SLC2A10: variants seen among roughly 807,000 people sequenced by gnomAD.
The protein encoded by SLC2A10 is solute carrier family 2 member 10, also known as solute carrier family 2, facilitated glucose transporter member 10.
In SLC2A10, 25 loss-of-function variants were observed where a neutral mutation model predicts 32.1. That is an observed-to-expected ratio of 0.78 (90% CI 0.57 to 1.09). The LOEUF (loss-of-function observed/expected upper bound fraction) is 1.09, where lower values mean the gene tolerates loss of function less well. SLC2A10 is among the 50% of genes least tolerant of loss of function. The probability of loss-of-function intolerance (pLI) is 0.00; values close to 1 mark genes in which losing one functional copy is unlikely to be tolerated. For synonymous variants in SLC2A10, 332 were observed against 309.6 expected (o/e 1.07, Z -0.76); for missense variants, 673 against 686.5 (o/e 0.98, Z 0.22).
intron 1 of SLC2A10, among the ~76,000 whole-genome samples, chr20:46,718,964 T>C (rs1195327023): frequency 6.6e-6 from 1 of 152,096 alleles, no homozygotes; most frequent in Non-Finnish European, 1.5e-5. Context: ...AATTTTTCTG[T>C]AGAGGTGGTG....
At chr20:46,717,157 C>G (rs947790732) in intron 1 of SLC2A10, among the ~76,000 whole-genome samples, 2 of 152,036 alleles carry the variant, frequency 1.3e-5, no homozygotes, top group Non-Finnish European at 2.9e-5. Flanking sequence ...AAAATGCTGT[C>G]AGATAGTGCT....
At position 46,717,514 on chromosome 20, in the gene SLC2A10, T is replaced by G. The variant is rs139936379; in HGVS notation, c.5-7527T>G. On this transcript the variant is annotated intron_variant, in intron 1 of 4. Coordinates refer to ENST00000359271, the MANE Select transcript of SLC2A10 (RefSeq NM_030777.4). ...GATTCTCCCACCTCAGCCTCCTTGA[T>G]AGCTGGGATTACAGGCGCCCACCAC... 3.7e-4 allele frequency among the ~76,000 whole-genome samples: 56 copies of G among 152,242 alleles called. No homozygotes were observed. The East Asian group carries it at 7.7e-3, about 21-fold the overall frequency.
At chr20:46,715,165 G>A (rs1979158313) in intron 1 of SLC2A10, among the ~76,000 whole-genome samples, 2 of 152,126 alleles carry the variant, frequency 1.3e-5, no homozygotes, top group South Asian at 2.1e-4. Context: ...TTGAGGGAAG[G>A]AACATAAAGT....
rs1240997197 is a variant in SLC2A10, at chr20:46,715,231, C to G, written c.4+5491C>G. Among the ~76,000 whole-genome samples the G allele has an allele frequency of 1.0e-4, 11 of 105,194 alleles. No homozygotes were observed. In the Admixed American group the frequency reaches 1.1e-3, roughly 10 times the overall value. 69.0% of individuals were successfully genotyped at this position (105,194 alleles called of 152,430 possible). A position where few individuals can be genotyped will look rare whatever the true frequency, so the allele number is the denominator to read the frequency against. On this transcript the variant is annotated intron_variant, in intron 1 of 4. Transcript: ENST00000359271. ...AGCTGTTATTATTACTGTTTTATTT[C>G]ACGTTTGTTTGTTTGTTTGTTTGTT...
At position 46,725,914 on chromosome 20, in the gene SLC2A10, G is replaced by C; in HGVS notation, c.878G>C (p.Arg293Pro). The change falls in exon 2 of 5, where the codon CGT (arginine) becomes CCT (proline). Residue 293 changes from arginine (R) to proline (P), a missense_variant. Arg to Pro is a moderately radical substitution (Grantham distance 103). Coordinates refer to ENST00000359271, the MANE Select transcript of SLC2A10 (RefSeq NM_030777.4). ...CTGACCGCCATGGGGCTGGTGGACC[G>C]TGCAGGCCGCAGGGCTCTGTTGCTA... ...ATLTAMGLVDRAGRRALLLAG... is the reference protein window; with the variant it reads ...ATLTAMGLVDPAGRRALLLAG... 1 of 1,614,054 alleles carries C rather than the reference G, an allele frequency of 6.2e-7. No individual in the cohort carries two copies. Among genetic ancestry groups the C allele is most frequent in the Non-Finnish European group, 8.5e-7 (1 of 1,180,024 alleles).
intron 4 of SLC2A10, among the ~76,000 whole-genome samples, chr20:46,731,874 C>T (rs1980319801): frequency 6.6e-6 from 1 of 152,194 alleles, no homozygotes; most frequent in Admixed American, 6.5e-5. Flanking sequence ...ACTCCTGTGT[C>T]CTCCATACAA....
In SLC2A10 at chr20:46,725,431, G is replaced by C. The variant is rs376346077; in HGVS notation, c.395G>C (p.Arg132Pro). The change falls in exon 2 of 5, where the codon CGG becomes CCG. Residue 132 changes from arginine to proline, a missense_variant. By Grantham distance (103) the Arg-to-Pro change is moderately radical (BLOSUM62 -2). Transcript: ENST00000359271. ...TCAGAGCTGGTGGGGCCACGGCAGC[G>C]GGGAGTGCTGGTGTCCCTCTATGAG... is the stretch of plus-strand genomic sequence containing the variant. The part of the protein sequence containing the change: ...YVSELVGPRQ[R>P]GVLVSLYEAG... 6.2e-7 allele frequency: 1 copy of C among 1,614,138 alleles called. No individual in the cohort carries two copies. The highest frequency in any genetic ancestry group is 8.5e-7 in the Non-Finnish European group (1 of 1,180,020).
intron 1 of SLC2A10, among the ~76,000 whole-genome samples, chr20:46,713,449 G>GA (rs1979045868): frequency 6.6e-6 from 1 of 151,996 alleles, no homozygotes; most frequent in South Asian, 2.1e-4. Context: ...GACTTCCCAG[G>GA]CAGAGAGGCT....
At chr20:46,727,097 C>T (rs1394763159) in intron 3 of SLC2A10, 111 bp downstream of exon 3, 3 of 1,358,660 alleles carry the variant, frequency 2.2e-6, no homozygotes, top group Non-Finnish European at 3.1e-6. Context: ...TTATTCTGTG[C>T]AGAAACATCA....
chr20:46,723,643 G>A (rs560844100), intron 1 of SLC2A10, among the ~76,000 whole-genome samples: 1 of 152,308 alleles, frequency 6.6e-6, no homozygotes, highest in South Asian at 2.1e-4. Flanking sequence ...CACTGAGAAT[G>A]ACATTCCTCA....
rs1980555127 is a variant in SLC2A10, at chr20:46,736,124, A to G, written c.*2290A>G. On this transcript the variant is annotated 3_prime_UTR_variant, in exon 5 of 5. Transcript: ENST00000359271. ...TATTCTGTAAGAATCAATTGTCTAT[A>G]TGGAATTTAGGATAAAGAATATTTA... The G allele has an allele frequency of 6.6e-6, 1 of 152,232 alleles. No individual in the cohort carries two copies. The highest frequency in any genetic ancestry group is 1.5e-5 in the Non-Finnish European group (1 of 68,040). 9.4% of individuals were successfully genotyped at this position (152,232 alleles called of 1,614,324 possible).
In SLC2A10 at chr20:46,724,816, G is replaced by A. The variant is rs546043761; in HGVS notation, c.5-225G>A. Among the ~76,000 whole-genome samples the A allele has an allele frequency of 3.3e-5, 5 of 149,278 alleles. No homozygotes were observed. The South Asian group carries it at 1.1e-3, about 33-fold the overall frequency. ...GGATGGACAGATGGAAGGATGGATG[G>A]ATGGATGGATGGATGGATGGATGGA... On this transcript the variant is annotated intron_variant, in intron 1 of 4. Coordinates refer to ENST00000359271, the MANE Select transcript of SLC2A10 (RefSeq NM_030777.4).
In SLC2A10 at chr20:46,719,618, C is replaced by T. The variant is rs1171681304; in HGVS notation, c.5-5423C>T. On this transcript the variant is annotated intron_variant, in intron 1 of 4. Coordinates refer to ENST00000359271, the MANE Select transcript of SLC2A10 (RefSeq NM_030777.4). ...CCACCCCCATGACTCAATTATCTCC[C>T]ACTGGGTCCCTTCCACAACATGAGG... Among the ~76,000 whole-genome samples, 5 of 152,282 alleles carry T rather than the reference C, an allele frequency of 3.3e-5. No individual in the cohort carries two copies. The East Asian group carries it at 7.7e-4, about 24-fold the overall frequency.
At chr20:46,712,851 C>T (rs1979010591) in intron 1 of SLC2A10, among the ~76,000 whole-genome samples, 1 of 151,910 alleles carries the variant, frequency 6.6e-6, no homozygotes, top group African/African-American at 2.4e-5. Context: ...GATGGGGTTT[C>T]ACCGTGTTAC....
At chr20:46,728,606 T>G (rs1010533411) in intron 3 of SLC2A10, among the ~76,000 whole-genome samples, 84 of 86,542 alleles carry the variant, frequency 9.7e-4, no homozygotes, top group Admixed American at 2.4e-3. Flanking sequence ...CTGGGTGTGT[T>G]TTTTTTTTTT....
chr20:46,729,213 C>G, intron 3 of SLC2A10, 140 bp from the exon 4 acceptor site: 1 of 1,016,722 alleles, frequency 9.8e-7, no homozygotes, highest in South Asian at 1.3e-5. Flanking sequence ...GCTTATTGGT[C>G]ACTCTGCAAA....
rs111618880 is a variant in SLC2A10, at chr20:46,733,014, G to T, written c.1548-742G>T. Among the ~76,000 whole-genome samples the T allele has an allele frequency of 3.9e-5, 6 of 152,256 alleles. No individual in the cohort carries two copies. The East Asian group carries it at 1.2e-3, about 29-fold the overall frequency. On this transcript the variant is annotated intron_variant, in intron 4 of 4. Coordinates refer to ENST00000359271, the MANE Select transcript of SLC2A10 (RefSeq NM_030777.4). ...ACTGGAGGGGTTGGTGTGGGGGAGG[G>T]CAGCCATGGTGAGAAGATGGGATGT...
rs752769433 is a variant in SLC2A10, at chr20:46,725,276, G to A, written c.240G>A (p.Gly80=). 2.5e-6 allele frequency: 4 copies of A among 1,614,180 alleles called. No homozygotes were observed. Among genetic ancestry groups the A allele is most frequent in the Non-Finnish European group, 3.4e-6 (4 of 1,180,048 alleles). The change falls in exon 2 of 5, where the codon GGG becomes GGA. Residue 80 remains glycine, a synonymous_variant. Coordinates refer to ENST00000359271, the MANE Select transcript of SLC2A10 (RefSeq NM_030777.4). ...DCYGRKQAIL[G]SNLVLLAGSL... Reference sequence around the variant, plus strand: ...ATGGCAGGAAGCAAGCCATCCTCGGGAGCAACTTGGTGCTGCTGGCAGGCA... The same window carrying A: ...ATGGCAGGAAGCAAGCCATCCTCGGAAGCAACTTGGTGCTGCTGGCAGGCA...
intron 2 of SLC2A10, among the ~76,000 whole-genome samples, 176 bp from the exon 3 acceptor site, chr20:46,726,688 A>C (rs931407612): frequency 2.0e-5 from 3 of 152,280 alleles, no homozygotes; most frequent in South Asian, 2.1e-4. Flanking sequence ...AAAACCTCTC[A>C]GTCTTCAGCA....
Sources: allele counts gnomAD v4.1 joint callset (sites outside exome capture counted in the v4.1 genomes callset), GRCh38; gene constraint gnomAD v4.1.1; transcripts MANE v1.5; gene names NCBI Gene and HGNC (gene_info 2026-07-23, HGNC 2026-07-21).